TEC: variants seen among roughly 807,000 people sequenced by gnomAD.
TEC encodes the protein tyrosine-protein kinase Tec.
TEC carries 72 observed loss-of-function variants against 93.0 expected under a neutral mutation model. That is an observed-to-expected ratio of 0.77 (90% CI 0.64 to 0.94). TEC has a LOEUF of 0.94. TEC is among the 40% of genes least tolerant of loss of function. TEC has a pLI of 0.00. For missense variants in TEC, 630 were observed against 757.9 expected (o/e 0.83, Z 1.98); for synonymous variants, 249 against 247.7 (o/e 1.01, Z -0.05).
chr4:48,239,976 C>CTG (rs1187168314), intron 1 of TEC, among the ~76,000 whole-genome samples: 1 of 98,976 alleles, frequency 1.0e-5, no homozygotes, highest in African/African-American at 5.7e-5. Context: ...ATGATTTGCT[C>CTG]TGTGAGTGTG....
At chr4:48,256,452 G>A (rs897529061) in intron 1 of TEC, among the ~76,000 whole-genome samples, 19 of 151,520 alleles carry the variant, frequency 1.3e-4, no homozygotes, top group African/African-American at 4.6e-4. Context: ...AATTAGCCAG[G>A]AGTGATGGTG....
chr4:48,204,175 C>G (rs1225941841), intron 2 of TEC, among the ~76,000 whole-genome samples: 2 of 152,206 alleles, frequency 1.3e-5, no homozygotes, highest in Non-Finnish European at 2.9e-5. Flanking sequence ...CCCATGATTT[C>G]TAGCAGTGAT....
intron 15 of TEC, among the ~76,000 whole-genome samples, chr4:48,140,522 T>C (rs1297679882): frequency 6.6e-6 from 1 of 152,168 alleles, no homozygotes; most frequent in Non-Finnish European, 1.5e-5. Flanking sequence ...AGTCAACTTT[T>C]ATGTAAAGGG....
intron 8 of TEC, among the ~76,000 whole-genome samples, chr4:48,159,327 G>C (rs1338071749): frequency 4.6e-5 from 7 of 152,168 alleles, no homozygotes; most frequent in Admixed American, 4.6e-4. Context: ...AAGATGAAGG[G>C]AGCTGGCGTG....
intron 2 of TEC, among the ~76,000 whole-genome samples, chr4:48,198,927 G>A (rs1340308649): frequency 1.3e-5 from 2 of 152,138 alleles, no homozygotes; most frequent in Non-Finnish European, 2.9e-5. Flanking sequence ...AGAAAGTAAT[G>A]TTTTCCATTG....
intron 11 of TEC, among the ~76,000 whole-genome samples, chr4:48,146,813 T>C (rs183522102): frequency 2.0e-5 from 3 of 152,310 alleles, no homozygotes; most frequent in African/African-American, 7.2e-5. Flanking sequence ...TACCAACTAC[T>C]GGAAATCAGT....
chr4:48,268,204 C>T (rs997165927), intron 1 of TEC, among the ~76,000 whole-genome samples: 1 of 152,228 alleles, frequency 6.6e-6, no homozygotes, highest in African/African-American at 2.4e-5. Context: ...CTAGAGCATA[C>T]ATTAATATTC....
intron 1 of TEC, among the ~76,000 whole-genome samples, chr4:48,231,760 A>C (rs1723654297): frequency 6.6e-6 from 1 of 152,276 alleles, no homozygotes; most frequent in Middle Eastern, 3.4e-3. Flanking sequence ...CCGTCTGAAA[A>C]AAAAACAACA....
intron 2 of TEC, among the ~76,000 whole-genome samples, chr4:48,199,455 C>CTTTT (rs34965891): frequency 0.022 from 1,458 of 67,408 alleles, 14 homozygotes; most frequent in Non-Finnish European, 0.027. Flanking sequence ...GATTTTCTTT[C>CTTTT]TTTTTTTTTT....
rs766026203 is a variant in TEC at position 48,149,641 on chromosome 4, ATGT to A, written c.919_921del (p.Thr307del). Reference sequence around the variant, plus strand: ...TCAGCTAGGTAATACTTCTTTGGAGATGTTGTTGTTTCCTTTATATGATAATGC... The same window carrying A: ...TCAGCTAGGTAATACTTCTTTGGAGATGTTGTTTCCTTTATATGATAATGC... On this transcript the variant is annotated inframe_deletion, in exon 11 of 18. Coordinates refer to ENST00000381501, the MANE Select transcript of TEC (RefSeq NM_003215.3). The A allele has an allele frequency of 1.7e-5, 28 of 1,612,186 alleles. 1 individual carries two copies. Among genetic ancestry groups the A allele is most frequent in the Non-Finnish European group, 1.8e-5 (21 of 1,179,374 alleles).
chr4:48,246,893 T>C (rs1337972185), intron 1 of TEC, among the ~76,000 whole-genome samples: 1 of 152,070 alleles, frequency 6.6e-6, no homozygotes, highest in Non-Finnish European at 1.5e-5. Flanking sequence ...AAAAGAAAAA[T>C]AGGTAAGTAG....
chr4:48,244,269 T>C (rs1472265731), intron 1 of TEC, among the ~76,000 whole-genome samples: 1 of 152,186 alleles, frequency 6.6e-6, no homozygotes, highest in African/African-American at 2.4e-5. Context: ...GATAAAGACA[T>C]ACTCGAGACT....
At chr4:48,179,348 A>G (rs1452622997) in intron 2 of TEC, among the ~76,000 whole-genome samples, 2 of 25,368 alleles carry the variant, frequency 7.9e-5, no homozygotes, top group Non-Finnish European at 1.4e-4. Context: ...GTATATATAT[A>G]TATATATATA....
chr4:48,242,633 A>G (rs931790320), intron 1 of TEC, among the ~76,000 whole-genome samples: 2 of 152,216 alleles, frequency 1.3e-5, no homozygotes, highest in African/African-American at 4.8e-5. Context: ...AACAACTTAC[A>G]GGATCCTTTT....
At chr4:48,149,824 C>G in intron 10 of TEC, 134 bp from the exon 11 acceptor site, 1 of 780,850 alleles carries the variant, frequency 1.3e-6, no homozygotes, top group Non-Finnish European at 1.8e-6. Context: ...TTTACTTTCC[C>G]CTTGTTCTTC....
At chr4:48,164,055 CTA>C (rs1159586583) in intron 7 of TEC, among the ~76,000 whole-genome samples, 2 of 152,112 alleles carry the variant, frequency 1.3e-5, no homozygotes, top group African/African-American at 2.4e-5. Flanking sequence ...CCCAAAGGTC[CTA>C]AAGTTAGCCA....
Position 48,167,800 on chromosome 4 carries a change from A to C in TEC, c.649T>G (p.Trp217Gly). The C allele has an allele frequency of 6.2e-7, 1 of 1,613,764 alleles. No individual in the cohort carries two copies. Reference sequence around the variant, plus strand: ...TACCCATATTTATCTCTTGCTCTCCACCAATGAACATCATTCTTTTCTAAA... The same window carrying C: ...TACCCATATTTATCTCTTGCTCTCCCCCAATGAACATCATTCTTTTCTAAA... ...LILEKNDVHWWRARDKYGNEG... is the reference protein window; with the variant it reads ...LILEKNDVHWGRARDKYGNEG... The change falls in exon 7 of 18, where the codon TGG (tryptophan) becomes GGG (glycine). Residue 217 changes from tryptophan (W) to glycine (G), a missense_variant. Coordinates refer to ENST00000381501, the MANE Select transcript of TEC (RefSeq NM_003215.3).
intron 2 of TEC, among the ~76,000 whole-genome samples, chr4:48,200,189 G>A (rs1722452216): frequency 6.6e-6 from 1 of 151,994 alleles, no homozygotes; most frequent in Non-Finnish European, 1.5e-5. Flanking sequence ...GGGGATACAC[G>A]GGTTCTAGAG....
intron 6 of TEC, 33 bp from the exon 7 acceptor site, chr4:48,167,986 T>C (rs1720943030): frequency 1.2e-6 from 2 of 1,602,008 alleles, no homozygotes; most frequent in Non-Finnish European, 1.7e-6. Context: ...GAAAGTTTAG[T>C]CTTCTATATG....
Sources: gnomAD v4.1 joint callset for allele counts (sites outside exome capture counted in the v4.1 genomes callset) on GRCh38, gnomAD v4.1.1 for gene constraint, MANE v1.5 for transcripts, NCBI Gene and HGNC (gene_info 2026-07-23, HGNC 2026-07-21) for gene names.